The following ANK3 variants were observed in gnomAD, a reference collection of about 807,000 sequenced individuals.
The protein encoded by ANK3 is ankyrin-3.
A neutral mutation model predicts 370.9 loss-of-function variants in ANK3; 57 were observed. The ratio of observed to expected loss-of-function variants is 0.15; its 90% confidence interval spans 0.12 to 0.19. ANK3 has a LOEUF of 0.19. Among genes scored for constraint, ANK3 ranks in the 10% least tolerant of loss-of-function variants. The pLI is 1.00. For missense variants in ANK3, 4,439 were observed against 5,302.1 expected (o/e 0.84, Z 5.06); for synonymous variants, 1,929 against 1,946.3 (o/e 0.99, Z 0.23).
intron 2 of ANK3, among the ~76,000 whole-genome samples, chr10:60,475,952 C>A (rs1386567891): frequency 6.6e-6 from 1 of 152,174 alleles, no homozygotes; most frequent in Non-Finnish European, 1.5e-5. Context: ...CCAAAAAGAT[C>A]ATCTCTAACC....
chr10:60,182,648 G>C (rs1471167041), intron 17 of ANK3, among the ~76,000 whole-genome samples: 1 of 152,140 alleles, frequency 6.6e-6, no homozygotes. Context: ...GTAATCAAAG[G>C]CAGTTTCAGG....
intron 1 of ANK3, among the ~76,000 whole-genome samples, chr10:60,634,847 C>T (rs960028357): frequency 6.6e-6 from 1 of 151,594 alleles, no homozygotes; most frequent in Admixed American, 6.6e-5. Context: ...TAACACTCAC[C>T]GCGAAAGTCT....
At chr10:60,582,476 T>A (rs1403390610) in intron 2 of ANK3, among the ~76,000 whole-genome samples, 1 of 151,916 alleles carries the variant, frequency 6.6e-6, no homozygotes, top group Non-Finnish European at 1.5e-5. Context: ...CCAATCCAGT[T>A]TGACAAATAT....
In ANK3 at chr10:60,069,482, T is replaced by C. The variant is rs1353550533; in HGVS notation, c.11399A>G (p.Asp3800Gly). The C allele has an allele frequency of 3.7e-6, 6 of 1,614,034 alleles. No homozygotes were observed. In the East Asian group the frequency reaches 1.3e-4, roughly 36 times the overall value. ...CAGAACTATATTACTCATAATGTTA[T>C]CTGTCTGTATAGTGGAAGAATCCAA... ...NNLDSSTIQT[D>G]NIMSNIVLTE... The change falls in exon 37 of 44, where the codon GAT becomes GGT. Residue 3800 changes from aspartate to glycine, a missense_variant. By Grantham distance (94) the Asp-to-Gly change is moderately conservative (BLOSUM62 -1). Transcript: ENST00000280772.
At chr10:60,467,460 GAAGT>G (rs929970360) in intron 2 of ANK3, among the ~76,000 whole-genome samples, 3 of 152,126 alleles carry the variant, frequency 2.0e-5, no homozygotes, top group African/African-American at 7.2e-5. Flanking sequence ...GATTTTTAAA[GAAGT>G]AAGGCTCCAT....
intron 23 of ANK3, chr10:60,140,322 C>T (rs1025718343): frequency 4.6e-5 from 74 of 1,611,286 alleles, no homozygotes; most frequent in Non-Finnish European, 5.9e-5. Flanking sequence ...ACAAAAACAG[C>T]ACACACCAAG....
At chr10:60,530,268 T>A (rs1010801717) in intron 2 of ANK3, among the ~76,000 whole-genome samples, 1 of 152,176 alleles carries the variant, frequency 6.6e-6, no homozygotes. Context: ...TTTGTTCTTT[T>A]TTAAATTTTT....
At chr10:60,239,591 C>T (rs981460692) in intron 7 of ANK3, among the ~76,000 whole-genome samples, 4 of 152,054 alleles carry the variant, frequency 2.6e-5, no homozygotes, top group Non-Finnish European at 4.4e-5. Flanking sequence ...AATTCATCAT[C>T]AGCAGACCTG....
At chr10:60,614,108 G>A (rs1310936611) in intron 2 of ANK3, among the ~76,000 whole-genome samples, 3 of 152,050 alleles carry the variant, frequency 2.0e-5, no homozygotes, top group Non-Finnish European at 4.4e-5. Context: ...ACAGAATTGT[G>A]TAGCGAATAT....
intron 2 of ANK3, among the ~76,000 whole-genome samples, chr10:60,432,948 C>T (rs1208625953): frequency 6.6e-6 from 1 of 152,086 alleles, no homozygotes; most frequent in Non-Finnish European, 1.5e-5. Context: ...ATCAAGAGTC[C>T]CCTTCCTTTT....
chr10:60,423,273 T>G (rs767917407), intron 2 of ANK3, among the ~76,000 whole-genome samples: 30 of 152,074 alleles, frequency 2.0e-4, no homozygotes, highest in Middle Eastern at 3.4e-3. Context: ...TATCTGCACA[T>G]CACCTTCCTT....
intron 2 of ANK3, among the ~76,000 whole-genome samples, chr10:60,542,243 C>T (rs1167854603): frequency 6.6e-6 from 1 of 151,764 alleles, no homozygotes; most frequent in Non-Finnish European, 1.5e-5. Flanking sequence ...CTACATGAGT[C>T]TGCACCCTCA....
chr10:60,661,279 T>A (rs2078933021), intron 1 of ANK3, among the ~76,000 whole-genome samples: 1 of 151,886 alleles, frequency 6.6e-6, no homozygotes, highest in African/African-American at 2.4e-5. Flanking sequence ...AAATAGTATA[T>A]TTATACTTCC....
chr10:60,031,540 G>C (rs2073563357), intron 43 of ANK3, among the ~76,000 whole-genome samples: 1 of 152,206 alleles, frequency 6.6e-6, no homozygotes, highest in African/African-American at 2.4e-5. Flanking sequence ...CTGAGAACAA[G>C]ATACAGCTCC....
At chr10:60,725,274 G>A (rs775898839) in intron 1 of ANK3, among the ~76,000 whole-genome samples, 11 of 151,948 alleles carry the variant, frequency 7.2e-5, no homozygotes, top group Non-Finnish European at 1.2e-4. Flanking sequence ...ACGTGCACCC[G>A]CCATTTTTCC....
chr10:60,097,438 T>C (rs980796906), intron 28 of ANK3, among the ~76,000 whole-genome samples: 2 of 152,260 alleles, frequency 1.3e-5, no homozygotes, highest in African/African-American at 2.4e-5. Context: ...TAATGTTCTA[T>C]AGCCTTCTTG....
intron 1 of ANK3, among the ~76,000 whole-genome samples, chr10:60,721,929 C>A (rs2079869298): frequency 1.3e-5 from 2 of 151,158 alleles, no homozygotes; most frequent in African/African-American, 4.9e-5. Context: ...GGAAACTCTG[C>A]AGAAGTGACT....
intron 2 of ANK3, among the ~76,000 whole-genome samples, chr10:60,395,572 C>CTTTCTTTTCTTTCTTTCT (rs1555367115): frequency 1.8e-5 from 2 of 112,714 alleles, no homozygotes; most frequent in Admixed American, 9.2e-5. Flanking sequence ...TTCTTTCTTT[C>CTTTCTTTTCTTTCTTTCT]TTTCTTTCTT....
intron 18 of ANK3, among the ~76,000 whole-genome samples, chr10:60,174,649 T>A (rs1456643150): frequency 6.6e-6 from 1 of 152,222 alleles, no homozygotes; most frequent in African/African-American, 2.4e-5. Context: ...TCTTTGAGAT[T>A]TTAGTCAATT....
Sources: allele counts gnomAD v4.1 joint callset (sites outside exome capture counted in the v4.1 genomes callset), GRCh38; gene constraint gnomAD v4.1.1; transcripts MANE v1.5; gene names NCBI Gene and HGNC (gene_info 2026-07-23, HGNC 2026-07-21).